The following RUFY4 variants were observed in gnomAD, a reference collection of about 807,000 sequenced individuals.
RUFY4 encodes RUN and FYVE domain-containing protein 4.
In RUFY4, 73 loss-of-function variants were observed where a neutral mutation model predicts 69.0. That is an observed-to-expected ratio of 1.06 (90% CI 0.88 to 1.29). The LOEUF is 1.29. RUFY4 is among the 50% of genes most tolerant of loss of function. The pLI is 0.00. For missense variants in RUFY4, 770 were observed against 705.6 expected, an observed-to-expected ratio of 1.09 and a Z score of -1.03; for synonymous variants, 287 against 271.8, an observed-to-expected ratio of 1.06 and a Z score of -0.55.
chr2:218,074,433 G>A (rs1171229667), intron 6 of RUFY4, among the ~76,000 whole-genome samples: 1 of 152,150 alleles, frequency 6.6e-6, no homozygotes, highest in Non-Finnish European at 1.5e-5. Flanking sequence ...GCATGACAGT[G>A]TGTGGTCACC....
At chr2:218,089,003 C>T (rs1689963077) in intron 9 of RUFY4, among the ~76,000 whole-genome samples, 1 of 151,900 alleles carries the variant, frequency 6.6e-6, no homozygotes, top group African/African-American at 2.4e-5. Flanking sequence ...CTTTCTCTGT[C>T]CATCTTTGTA....
intron 2 of RUFY4, among the ~76,000 whole-genome samples, chr2:218,052,077 A>G (rs573103484): frequency 6.6e-6 from 1 of 152,306 alleles, no homozygotes; most frequent in African/African-American, 2.4e-5. Flanking sequence ...ACATCTCACT[A>G]CATGTGACTT....
At chr2:218,053,045 A>G (rs1278706852) in intron 2 of RUFY4, among the ~76,000 whole-genome samples, 2 of 152,122 alleles carry the variant, frequency 1.3e-5, no homozygotes, top group African/African-American at 4.8e-5. Flanking sequence ...GTGCAGCCTT[A>G]AACTCCTGGG....
intron 2 of RUFY4, among the ~76,000 whole-genome samples, chr2:218,037,192 C>T (rs1259360198): frequency 6.6e-6 from 1 of 151,852 alleles, no homozygotes; most frequent in African/African-American, 2.4e-5. Context: ...TGGTGGCAGG[C>T]GCCTGTAACC....
intron 2 of RUFY4, among the ~76,000 whole-genome samples, chr2:218,056,733 A>G (rs1436232167): frequency 6.6e-6 from 1 of 152,234 alleles, no homozygotes; most frequent in Non-Finnish European, 1.5e-5. Flanking sequence ...TCAGCTGCCA[A>G]AATGACCTGC....
chr2:218,051,360 A>G (rs1488938286), intron 2 of RUFY4, among the ~76,000 whole-genome samples: 1 of 152,164 alleles, frequency 6.6e-6, no homozygotes, highest in Non-Finnish European at 1.5e-5. Flanking sequence ...ATGTTTATAT[A>G]TAACAGTTCA....
At chr2:218,037,319 C>CA (rs59819809) in intron 2 of RUFY4, among the ~76,000 whole-genome samples, 74,217 of 145,028 alleles carry the variant, frequency 0.51, 19,400 homozygotes, top group East Asian at 0.78. Flanking sequence ...AACTCAGTCT[C>CA]AAAAAAAAAA....
At position 218,075,651 on chromosome 2, in the gene RUFY4, A is replaced by G. The variant is rs951004099; in HGVS notation, c.1159A>G (p.Thr387Ala). 6.6e-7 allele frequency: 1 copy of G among 1,507,070 alleles called. No homozygotes were observed. The highest frequency in any genetic ancestry group is 8.8e-7 in the Non-Finnish European group (1 of 1,130,454). The allele number at this position is 1,507,070 out of a possible 1,614,324, so 93.4% of individuals were successfully genotyped here. The change falls in exon 7 of 11, where the codon ACC becomes GCC. Residue 387 changes from threonine to alanine, a missense_variant. Thr to Ala is a moderately conservative substitution (Grantham distance 58). Coordinates refer to ENST00000344321, the Ensembl canonical transcript of RUFY4. The stretch of plus-strand genomic sequence containing the variant: ...GGGACACGCAACAAAGGAAGACTCT[A>G]CCGTGGAGAATCCACAAGTGCAAAC...
At chr2:218,048,583 A>G (rs1376915084) in intron 2 of RUFY4, among the ~76,000 whole-genome samples, 1 of 151,900 alleles carries the variant, frequency 6.6e-6, no homozygotes. Context: ...GTTTCTGAAG[A>G]TATTATGGTT....
At chr2:218,089,418 A>G (rs1215926546) in intron 10 of RUFY4, 56 bp downstream of exon 12, 4 of 1,475,250 alleles carry the variant, frequency 2.7e-6, no homozygotes, top group Non-Finnish European at 3.7e-6. Flanking sequence ...CCACCAGCTG[A>G]CAGCCCCCAC....
At chr2:218,054,244 CT>C (rs1178184427) in intron 2 of RUFY4, among the ~76,000 whole-genome samples, 1 of 152,116 alleles carries the variant, frequency 6.6e-6, no homozygotes, top group African/African-American at 2.4e-5. Flanking sequence ...TAAATACAGG[CT>C]TTTAATTACT....
upstream of RUFY4, among the ~76,000 whole-genome samples, chr2:218,065,019 G>T (rs559393762): frequency 6.8e-4 from 103 of 152,292 alleles, 1 homozygote; most frequent in Middle Eastern, 0.02. Flanking sequence ...GCAAGTTCTG[G>T]ATTGGGGGTT....
At chr2:218,081,420 C>T (rs1201215268) in intron 8 of RUFY4, among the ~76,000 whole-genome samples, 1 of 152,192 alleles carries the variant, frequency 6.6e-6, no homozygotes, top group African/African-American at 2.4e-5. Context: ...TCCAAGAACC[C>T]TCCCTGGTCT....
At chr2:218,073,019 C>A in intron 4 of RUFY4, 134 bp downstream of exon 6, 1 of 972,610 alleles carries the variant, frequency 1.0e-6, no homozygotes, top group Non-Finnish European at 1.5e-6. Context: ...AAGGAAAAAT[C>A]AAGGGAGAAA....
At chr2:218,072,908 C>T (rs1689527453) in intron 4 of RUFY4, 23 bp downstream of exon 6, 1 of 1,489,844 alleles carries the variant, frequency 6.7e-7, no homozygotes, top group Middle Eastern at 1.7e-4. Context: ...GGACATCCTC[C>T]TGCCGATGCC....
intron 9 of RUFY4, among the ~76,000 whole-genome samples, chr2:218,086,504 C>T (rs748887052): frequency 2.0e-5 from 3 of 152,180 alleles, no homozygotes; most frequent in Non-Finnish European, 4.4e-5. Flanking sequence ...TGTAAACAGT[C>T]TATGGTGCAA....
upstream of RUFY4, chr2:218,068,915 G>T: frequency 6.6e-6 from 1 of 152,510 alleles, no homozygotes. Flanking sequence ...CCAAGTGACA[G>T]AGACGAGACA....
At chr2:218,080,115 A>G (rs1689726155) in intron 8 of RUFY4, among the ~76,000 whole-genome samples, 1 of 152,206 alleles carries the variant, frequency 6.6e-6, no homozygotes, top group African/African-American at 2.4e-5. Flanking sequence ...CAGGCAGGCC[A>G]GATGCATACG....
chr2:218,038,490 T>C (rs1480959045), intron 2 of RUFY4, among the ~76,000 whole-genome samples: 2 of 152,196 alleles, frequency 1.3e-5, no homozygotes, highest in African/African-American at 4.8e-5. Flanking sequence ...CATTTTAAAT[T>C]AAATTAACAA....
Sources: gnomAD v4.1 joint callset for allele counts (sites outside exome capture counted in the v4.1 genomes callset) on GRCh38, gnomAD v4.1.1 for gene constraint, MANE v1.5 for transcripts, NCBI Gene and HGNC (gene_info 2026-07-23, HGNC 2026-07-21) for gene names.